CTNNA2: variants seen among roughly 807,000 people sequenced by gnomAD.
CTNNA2 encodes the protein catenin alpha 2.
In CTNNA2, 42 loss-of-function variants were observed where a neutral mutation model predicts 101.0. The observed-to-expected ratio is 0.42, with a 90% CI of 0.32 to 0.54. CTNNA2 has a LOEUF of 0.54. Ranked by LOEUF, CTNNA2 falls within the 20% of genes least tolerant of loss-of-function variation. The probability of loss-of-function intolerance (pLI) is 0.14; values close to 1 mark genes in which losing one functional copy is unlikely to be tolerated. For synonymous variants in CTNNA2, 450 were observed against 456.4 expected (o/e 0.99, Z 0.18); for missense variants, 871 against 1,223.1 (o/e 0.71, Z 4.29).
At chr2:79,930,623 G>A (rs28713755) in intron 7 of CTNNA2, among the ~76,000 whole-genome samples, 16,966 of 152,168 alleles carry the variant, frequency 0.11, 1,246 homozygotes, top group East Asian at 0.26. Context: ...TCTTCTGACT[G>A]TCAATTAATG....
intron 4 of CTNNA2, among the ~76,000 whole-genome samples, chr2:79,442,975 A>G (rs1678792342): frequency 1.3e-5 from 2 of 152,120 alleles, no homozygotes; most frequent in South Asian, 4.1e-4. Context: ...TCCTCATAAG[A>G]ATTAATATGT....
intron 18 of CTNNA2, 59 bp from the exon 19 acceptor site, chr2:80,647,526 A>G (rs1674240856): frequency 7.4e-7 from 1 of 1,349,592 alleles, no homozygotes; most frequent in African/African-American, 1.5e-5. Context: ...GTACATCACC[A>G]TTTTGTGAAT....
chr2:79,369,826 C>G (rs1468157640), intron 3 of CTNNA2, among the ~76,000 whole-genome samples: 1 of 152,178 alleles, frequency 6.6e-6, no homozygotes, highest in African/African-American at 2.4e-5. Context: ...TTAAGTCCCA[C>G]CTCCCCTGAA....
chr2:80,565,164 G>A (rs915214336), intron 12 of CTNNA2, among the ~76,000 whole-genome samples: 3 of 152,094 alleles, frequency 2.0e-5, no homozygotes, highest in African/African-American at 7.2e-5. Flanking sequence ...AGTTTGAATT[G>A]TTTTGTTTTT....
rs1044914875 is a variant in CTNNA2, at chr2:79,228,048, C to T, written c.-406+29972C>T. Reference sequence around the variant, plus strand: ...TTAGATTGTTTAGGCTAATGGCCTCCAACTCCATCCATGATGCTGCAAAGG... The same window carrying T: ...TTAGATTGTTTAGGCTAATGGCCTCTAACTCCATCCATGATGCTGCAAAGG... On this transcript the variant is annotated intron_variant, in intron 2 of 21. Coordinates refer to the CTNNA2 transcript ENST00000466387. Among the ~76,000 whole-genome samples the T allele has an allele frequency of 2.6e-5, 4 of 152,302 alleles. No individual in the cohort carries two copies. The East Asian group carries it at 5.8e-4, about 22-fold the overall frequency.
chr2:80,174,656 A>G (rs1238587995), intron 7 of CTNNA2, among the ~76,000 whole-genome samples: 2 of 152,198 alleles, frequency 1.3e-5, no homozygotes, highest in Non-Finnish European at 2.9e-5. Flanking sequence ...AATCAAGCTC[A>G]TTTATTATCA....
intron 15 of CTNNA2, among the ~76,000 whole-genome samples, chr2:80,595,114 G>T (rs935493039): frequency 6.6e-6 from 1 of 152,018 alleles, no homozygotes; most frequent in Non-Finnish European, 1.5e-5. Context: ...TTAATATTAA[G>T]TCTTCCAATC....
At chr2:79,625,694 G>T (rs1032740489) in intron 1 of CTNNA2, among the ~76,000 whole-genome samples, 3 of 152,152 alleles carry the variant, frequency 2.0e-5, no homozygotes, top group Non-Finnish European at 4.4e-5. Flanking sequence ...CAGACTCCAG[G>T]CTCTTGCTCC....
chr2:79,767,967 CT>C, intron 3 of CTNNA2, among the ~76,000 whole-genome samples: 1 of 151,884 alleles, frequency 6.6e-6, no homozygotes, highest in South Asian at 2.1e-4. Context: ...TCACATGCCC[CT>C]TCAGTCCACT....
At chr2:80,051,257 C>T (rs973732980) in intron 7 of CTNNA2, among the ~76,000 whole-genome samples, 6 of 152,114 alleles carry the variant, frequency 3.9e-5, no homozygotes, top group South Asian at 4.1e-4. Context: ...TGTGTTGTTT[C>T]GCAGTTGTTG....
chr2:80,466,717 T>A (rs1326942651), intron 9 of CTNNA2, among the ~76,000 whole-genome samples: 1 of 152,188 alleles, frequency 6.6e-6, no homozygotes, highest in African/African-American at 2.4e-5. Context: ...TGTCTGTGAG[T>A]TCAGCTGGGT....
chr2:79,202,805 T>A (rs1052932827), intron 2 of CTNNA2, among the ~76,000 whole-genome samples: 10 of 152,142 alleles, frequency 6.6e-5, no homozygotes, highest in African/African-American at 2.4e-4. Flanking sequence ...GCCATTGTTC[T>A]CACATGGCTC....
chr2:79,556,489 G>A (rs562698375), intron 1 of CTNNA2, among the ~76,000 whole-genome samples: 2 of 152,146 alleles, frequency 1.3e-5, no homozygotes, highest in Non-Finnish European at 2.9e-5. Context: ...CAACAAACAT[G>A]AGATGATTCT....
chr2:79,704,942 G>A (rs1685256874), intron 2 of CTNNA2, among the ~76,000 whole-genome samples: 2 of 151,734 alleles, frequency 1.3e-5, no homozygotes, highest in Admixed American at 6.6e-5. Context: ...TCGAAAGTAT[G>A]GGAAACTTCT....
At chr2:80,194,351 T>A (rs997845103) in intron 7 of CTNNA2, among the ~76,000 whole-genome samples, 5 of 152,194 alleles carry the variant, frequency 3.3e-5, no homozygotes, top group African/African-American at 1.2e-4. Context: ...ATGCAGGACA[T>A]CACCATTTTT....
At chr2:80,321,616 TA>T (rs1280093218) in intron 7 of CTNNA2, among the ~76,000 whole-genome samples, 1 of 152,234 alleles carries the variant, frequency 6.6e-6, no homozygotes, top group Non-Finnish European at 1.5e-5. Context: ...ATCTTTTTTT[TA>T]AAAGCCTACC....
At chr2:79,510,952 A>G (rs914351903), upstream of CTNNA2, among the ~76,000 whole-genome samples, 3 of 152,256 alleles carry the variant, frequency 2.0e-5, no homozygotes, top group African/African-American at 7.2e-5. Context: ...CAAAAATTAT[A>G]AATGTAAGCC....
Position 79,712,451 on chromosome 2 carries a change from G to A in CTNNA2, c.103-31936G>A, listed in dbSNP as rs893481670. ...TTATTATTAAGACTATCAGAGTAATGTATGTATTAAGTTGTTTTTTCCTCT... is the reference window on the plus strand; with the variant it reads ...TTATTATTAAGACTATCAGAGTAATATATGTATTAAGTTGTTTTTTCCTCT... On this transcript the variant is annotated intron_variant, in intron 2 of 18. Coordinates refer to ENST00000402739, the MANE Select transcript of CTNNA2 (RefSeq NM_001282597.3). Among the ~76,000 whole-genome samples, 146 of 152,298 alleles carry A rather than the reference G, an allele frequency of 9.6e-4. 1 individual carries two copies. The highest frequency in any genetic ancestry group is 3.4e-3 in the African/African-American group (142 of 41,574).
chr2:79,483,609 G>A (rs974397956), intron 4 of CTNNA2, among the ~76,000 whole-genome samples: 1 of 152,130 alleles, frequency 6.6e-6, no homozygotes, highest in South Asian at 2.1e-4. Flanking sequence ...ATTGTTCTCA[G>A]GCCTTTGCAT....
Sources: gnomAD v4.1 joint callset for allele counts (sites outside exome capture counted in the v4.1 genomes callset) on GRCh38, gnomAD v4.1.1 for gene constraint, MANE v1.5 for transcripts, NCBI Gene and HGNC (gene_info 2026-07-23, HGNC 2026-07-21) for gene names.